The following GRID1 variants were observed in gnomAD, a reference collection of about 807,000 sequenced individuals.
GRID1 encodes the protein glutamate receptor ionotropic, delta-1.
Under a neutral mutation model 98.0 loss-of-function variants are expected in GRID1, and 28 were observed. The ratio of observed to expected loss-of-function variants is 0.29; its 90% CI spans 0.21 to 0.39. GRID1 has a LOEUF of 0.39. Ranked by LOEUF, GRID1 falls within the 10% of genes least tolerant of loss-of-function variation. GRID1 has a pLI of 1.00. For synonymous variants in GRID1, 553 were observed against 538.5 expected (o/e 1.03, Z -0.37); for missense variants, 1,111 against 1,340.5 (o/e 0.83, Z 2.67).
At chr10:85,986,891 A>T (rs900744270) in intron 4 of GRID1, among the ~76,000 whole-genome samples, 2 of 152,196 alleles carry the variant, frequency 1.3e-5, no homozygotes, top group Non-Finnish European at 2.9e-5. Flanking sequence ...TGCTCTGTTC[A>T]TTCCACAGAT....
chr10:86,168,956 G>A (rs983579189), intron 3 of GRID1, among the ~76,000 whole-genome samples: 1 of 152,158 alleles, frequency 6.6e-6, no homozygotes, highest in African/African-American at 2.4e-5. Flanking sequence ...AAGCTAGAAA[G>A]GGGACCCAGG....
At chr10:86,239,681 C>T (rs1258663140) in intron 2 of GRID1, among the ~76,000 whole-genome samples, 2 of 152,212 alleles carry the variant, frequency 1.3e-5, no homozygotes, top group African/African-American at 4.8e-5. Flanking sequence ...AAGCAAGTAG[C>T]ACCTGCTCTT....
chr10:85,748,677 T>C (rs1270496668), intron 8 of GRID1, among the ~76,000 whole-genome samples: 1 of 152,104 alleles, frequency 6.6e-6, no homozygotes, highest in African/African-American at 2.4e-5. Flanking sequence ...AATTTCAATC[T>C]TCATCAATGC....
In GRID1 at chr10:86,365,753, TGACA is replaced by T. The variant is rs774022814; in HGVS notation, c.79+557_79+560del. ...AGACACTGTGTCCACTCTAACAGGC[TGACA>T]GACAGTCGTGCACGCACCAACACAC... On this transcript the variant is annotated intron_variant, in intron 1 of 15. Coordinates refer to ENST00000327946, the MANE Select transcript of GRID1 (RefSeq NM_017551.3). The surrounding 1 kb of genome is among the most constrained non-coding windows in gnomAD (Gnocchi z 4.8). Among the ~76,000 whole-genome samples the T allele has an allele frequency of 2.1e-4, 32 of 152,150 alleles. No homozygotes were observed. The highest frequency in any genetic ancestry group is 3.4e-3 in the Middle Eastern group (1 of 294).
intron 8 of GRID1, among the ~76,000 whole-genome samples, chr10:85,757,270 T>A (rs899970911): frequency 1.2e-4 from 19 of 152,188 alleles, no homozygotes; most frequent in African/African-American, 4.3e-4. Flanking sequence ...TCATTATCTG[T>A]GGATGAGAAG....
At chr10:85,739,981 C>G (rs1050802435) in intron 8 of GRID1, among the ~76,000 whole-genome samples, 1 of 152,158 alleles carries the variant, frequency 6.6e-6, no homozygotes, top group African/African-American at 2.4e-5. Context: ...AAGGTTTGAA[C>G]TGTTTTACCT....
At chr10:86,129,188 G>T (rs1460590732) in intron 4 of GRID1, among the ~76,000 whole-genome samples, 1 of 152,198 alleles carries the variant, frequency 6.6e-6, no homozygotes, top group Non-Finnish European at 1.5e-5. Context: ...AGATGTGTTG[G>T]CCGAGAGAGG....
chr10:85,796,083 T>G (rs745978597), intron 8 of GRID1, among the ~76,000 whole-genome samples: 1 of 151,972 alleles, frequency 6.6e-6, no homozygotes, highest in Non-Finnish European at 1.5e-5. Context: ...CCTGACAATG[T>G]GAAAGGAATG....
At chr10:85,641,228 A>C (rs1843112554) in intron 13 of GRID1, among the ~76,000 whole-genome samples, 1 of 152,234 alleles carries the variant, frequency 6.6e-6, no homozygotes, top group South Asian at 2.1e-4. Flanking sequence ...CCCATCAGCA[A>C]TATTAAAGTC....
intron 4 of GRID1, among the ~76,000 whole-genome samples, chr10:85,975,686 G>A (rs1312771849): frequency 2.6e-5 from 4 of 152,090 alleles, no homozygotes; most frequent in Non-Finnish European, 5.9e-5. Flanking sequence ...CCAGGCCTAT[G>A]GTCAAGGGGT....
chr10:86,310,547 C>G lies in GRID1; in HGVS notation c.235+53394G>C, dbSNP rs571777529. On this transcript the variant is annotated intron_variant, in intron 2 of 15. Coordinates refer to ENST00000327946, the MANE Select transcript of GRID1 (RefSeq NM_017551.3). ...AATCACAATTGGGTGCATCAGCCAG[C>G]CAGTGCCCTTGCTGAGGAGCAGGTA... 9.9e-5 allele frequency among the ~76,000 whole-genome samples: 15 copies of G among 152,274 alleles called. No homozygotes were observed. In the East Asian group the frequency reaches 2.9e-3, roughly 29 times the overall value.
At chr10:85,713,255 A>G (rs1315390430) in intron 12 of GRID1, among the ~76,000 whole-genome samples, 1 of 151,870 alleles carries the variant, frequency 6.6e-6, no homozygotes, top group Non-Finnish European at 1.5e-5. Context: ...AGAAAGGGTC[A>G]TAAGAGAACA....
chr10:85,939,999 G>A (rs1309001278), intron 4 of GRID1, among the ~76,000 whole-genome samples: 8 of 151,258 alleles, frequency 5.3e-5, no homozygotes, highest in South Asian at 2.1e-4. Flanking sequence ...CCTGGGAGGC[G>A]GAGGTTGCAG....
chr10:86,087,769 A>G (rs1844085751), intron 4 of GRID1, among the ~76,000 whole-genome samples: 1 of 152,152 alleles, frequency 6.6e-6, no homozygotes, highest in South Asian at 2.1e-4. Flanking sequence ...ATTCTCTACC[A>G]CATGGCTGCT....
chr10:85,856,604 G>T (rs537219713), intron 6 of GRID1, among the ~76,000 whole-genome samples: 1 of 152,350 alleles, frequency 6.6e-6, no homozygotes, highest in East Asian at 1.9e-4. Context: ...GACAGGGCCA[G>T]GTACAGCACA....
chr10:85,644,422 G>A (rs1256815073), intron 13 of GRID1, among the ~76,000 whole-genome samples: 1 of 152,144 alleles, frequency 6.6e-6, no homozygotes, highest in Non-Finnish European at 1.5e-5. Context: ...TGCTTTGGAT[G>A]TGTATGTGTA....
At chr10:85,637,881 T>C (rs781732874) in intron 13 of GRID1, among the ~76,000 whole-genome samples, 1 of 152,202 alleles carries the variant, frequency 6.6e-6, no homozygotes, top group African/African-American at 2.4e-5. Context: ...TTGCAGCCAT[T>C]TGCTGTCCTC....
intron 13 of GRID1, among the ~76,000 whole-genome samples, chr10:85,635,291 C>T (rs1429072979): frequency 6.6e-6 from 1 of 152,096 alleles, no homozygotes; most frequent in Non-Finnish European, 1.5e-5. Context: ...TATCCCAAAC[C>T]AATCATCACC....
chr10:86,199,384 C>G, intron 3 of GRID1, among the ~76,000 whole-genome samples: 1 of 152,122 alleles, frequency 6.6e-6, no homozygotes, highest in Admixed American at 6.5e-5. Context: ...TAGGTTGTTG[C>G]TAATTTCTGA....
Sources: allele counts gnomAD v4.1 joint callset (sites outside exome capture counted in the v4.1 genomes callset), GRCh38; gene constraint gnomAD v4.1.1; non-coding constraint Gnocchi (gnomAD v3.1); transcripts MANE v1.5; gene names NCBI Gene and HGNC (gene_info 2026-07-23, HGNC 2026-07-21).